The following ABCF3 variants were observed in gnomAD, a reference collection of about 807,000 sequenced individuals.
The protein encoded by ABCF3 is ATP binding cassette subfamily F member 3.
ABCF3 carries 62 observed loss-of-function variants against 94.3 expected under a neutral mutation model. The ratio of observed to expected loss-of-function variants is 0.66; its 90% CI spans 0.54 to 0.81. The LOEUF (loss-of-function observed/expected upper bound fraction) is 0.81. Among genes scored for constraint, ABCF3 ranks in the 40% least tolerant of loss-of-function variants. The probability of loss-of-function intolerance (pLI) is 0.00; values close to 1 mark genes in which losing one functional copy is unlikely to be tolerated. For synonymous variants in ABCF3, 355 were observed against 361.1 expected, an observed-to-expected ratio of 0.98 and a Z score of 0.19; for missense variants, 843 against 925.3, an observed-to-expected ratio of 0.91 and a Z score of 1.15.
rs940138822 is a variant in ABCF3, at chr3:184,193,297, G to T, written c.1883+63G>T. 26 of 1,610,848 alleles carry T rather than the reference G, an allele frequency of 1.6e-5. No individual in the cohort carries two copies. In the Admixed American group the frequency reaches 4.3e-4, roughly 27 times the overall value. ...TCCCCTTCTTGCCCAGTAGAAAACT[G>T]TATCAGAAGGCTTTATTTTCTCTCA... On this transcript the variant is annotated intron_variant, in intron 19 of 20. Transcript: ENST00000429586. The surrounding 1 kb of genome is among the most constrained non-coding windows in gnomAD (Gnocchi z 5.2).
At position 184,188,945 on chromosome 3, in the gene ABCF3, G is replaced by A. The variant is rs565912154; in HGVS notation, c.934G>A (p.Ala312Thr). The A allele has an allele frequency of 5.6e-6, 9 of 1,614,004 alleles. No individual in the cohort carries two copies. The highest frequency in any genetic ancestry group is 3.3e-5 in the Admixed American group (2 of 60,002). Residue 312 changes from alanine (A) to threonine (T), a missense_variant, in exon 9 of 21, where the codon GCT (alanine) becomes ACT (threonine). Transcript: ENST00000429586. ...KAPARASVILAGLGFTPKMQQ... is the reference protein window; with the variant it reads ...KAPARASVILTGLGFTPKMQQ... ...CTCTACTAGGGCATCAGTCATTCTC[G>A]CTGGGCTTGGCTTTACCCCTAAAAT...
intron 1 of ABCF3, 22 bp downstream of exon 1, chr3:184,186,302 G>C (rs776764035): frequency 6.2e-7 from 1 of 1,613,932 alleles, no homozygotes; most frequent in Non-Finnish European, 8.5e-7. Context: ...TGAATCGGCC[G>C]GCTGGGGAGA....
chr3:184,186,915 C>T (rs760274008), intron 3 of ABCF3, 40 bp downstream of exon 3: 3 of 1,588,094 alleles, frequency 1.9e-6, no homozygotes, highest in East Asian at 4.5e-5. Flanking sequence ...CCCCCCTGTG[C>T]TTTTCTCCGC....
Position 184,193,579 on chromosome 3 carries a change from A to C in ABCF3, c.2011A>C (p.Arg671=). 6.2e-7 allele frequency: 1 copy of C among 1,614,162 alleles called. No homozygotes were observed. Among genetic ancestry groups the C allele is most frequent in the Non-Finnish European group, 8.5e-7 (1 of 1,180,008 alleles). ...GGTGTCCCACGATGAGCGCTTTATC[A>C]GGCTGGTGTGCCGGGAGTTGTGGGT... ...ILVSHDERFI[R]LVCRELWVCE... The change falls in exon 21 of 21, where the codon AGG becomes CGG. Residue 671 remains arginine (R), a synonymous_variant. Transcript: ENST00000429586. This position sits in a 1 kb window ranked among gnomAD's most constrained non-coding sequence, Gnocchi z 5.2.
rs747378033 is a variant in ABCF3 at position 184,187,768 on chromosome 3, G to T, written c.446+7G>T. ...TCAAGACCAGCAACCCTCTGTGAGT[G>T]GGGGAAGCATGGCTCAGAAGAGAGC... On this transcript the variant is annotated splice_region_variant and intron_variant, in intron 5 of 20. Transcript: ENST00000429586. 3.1e-6 allele frequency: 5 copies of T among 1,614,160 alleles called. No homozygotes were observed. Among genetic ancestry groups the T allele is most frequent in the South Asian group, 1.1e-5 (1 of 91,082 alleles).
chr3:184,186,297 CG>C lies in ABCF3; in HGVS notation c.73+19del. ...ACGTGACCGGTAAGCAGAACTGAAT[CG>C]GCCGGCTGGGGAGACCGAAGTGGAG... On this transcript the variant is annotated intron_variant, in intron 1 of 20. Coordinates refer to ENST00000429586, the MANE Select transcript of ABCF3 (RefSeq NM_018358.3). 6.2e-7 allele frequency: 1 copy of C among 1,614,100 alleles called. No homozygotes were observed. Among genetic ancestry groups the C allele is most frequent in the Non-Finnish European group, 8.5e-7 (1 of 1,179,948 alleles).
Position 184,193,812 on chromosome 3 carries a change from T to C in ABCF3, c.*114T>C. The C allele has an allele frequency of 8.0e-7, 1 of 1,256,344 alleles. No individual in the cohort carries two copies. The highest frequency in any genetic ancestry group is 1.6e-5 in the South Asian group (1 of 63,940). 77.8% of individuals were successfully genotyped at this position (1,256,344 alleles called of 1,614,324 possible). On this transcript the variant is annotated 3_prime_UTR_variant, in exon 21 of 21. Transcript: ENST00000429586. The surrounding 1 kb of genome is among the most constrained non-coding windows in gnomAD (Gnocchi z 5.2). ...TTCCCCCAACTTGGGGACAGCCTTA[T>C]TCCCAAATGTCTCTATCCTTTTGAC...
In ABCF3 at chr3:184,186,267, C is replaced by T; in HGVS notation, c.60C>T (p.Phe20=). The change falls in exon 1 of 21, where the codon TTC becomes TTT. Residue 20 remains phenylalanine (F), a synonymous_variant. Coordinates refer to ENST00000429586, the MANE Select transcript of ABCF3 (RefSeq NM_018358.3). ...TCCCCGAAATTGACGGACAAGTCTT[C>T]GACTACGTGACCGGTAAGCAGAACT... is the stretch of plus-strand genomic sequence containing the variant. The part of the protein sequence containing the change: ...SEFPEIDGQV[F]DYVTGVLHSG... The T allele has an allele frequency of 1.2e-6, 2 of 1,614,188 alleles. No individual in the cohort carries two copies. The highest frequency in any genetic ancestry group is 1.7e-6 in the Non-Finnish European group (2 of 1,180,022).
chr3:184,191,641 C>T (rs1716028144), intron 16 of ABCF3, among the ~76,000 whole-genome samples: 1 of 151,982 alleles, frequency 6.6e-6, no homozygotes, highest in South Asian at 2.1e-4. Flanking sequence ...TAAGATGGCG[C>T]TGACATCTAC....
At chr3:184,187,627 A>G in intron 4 of ABCF3, 37 bp from the exon 5 acceptor site, 1 of 1,611,918 alleles carries the variant, frequency 6.2e-7, no homozygotes, top group Non-Finnish European at 8.5e-7. Context: ...TTCTGAGCCT[A>G]CACCCGAGAG....
intron 1 of ABCF3, 52 bp from the exon 2 acceptor site, chr3:184,186,455 T>A: frequency 6.3e-7 from 1 of 1,585,312 alleles, no homozygotes; most frequent in Non-Finnish European, 8.6e-7. Flanking sequence ...CTGAAACTGC[T>A]TGTGTGTCCA....
Position 184,191,208 on chromosome 3 carries a change from T to A in ABCF3, c.1522T>A (p.Phe508Ile). 2 of 1,614,238 alleles carry A rather than the reference T, an allele frequency of 1.2e-6. No homozygotes were observed. The highest frequency in any genetic ancestry group is 1.7e-6 in the Non-Finnish European group (2 of 1,180,050). Reference protein sequence around the residue: ...DFYYDPKHVIFSRLSVSADLE... With the variant: ...DFYYDPKHVIISRLSVSADLE... ...CTACTACGATCCGAAGCACGTCATCTTCAGTCGCCTCTCTGTGTCTGCTGA... is the reference window on the plus strand; with the variant it reads ...CTACTACGATCCGAAGCACGTCATCATCAGTCGCCTCTCTGTGTCTGCTGA... The change falls in exon 16 of 21, where the codon TTC (phenylalanine) becomes ATC (isoleucine). Residue 508 changes from phenylalanine to isoleucine, a missense_variant. Physicochemically the swap from Phe to Ile is conservative, Grantham distance 21 (BLOSUM62 0). Transcript: ENST00000429586.
chr3:184,193,049 A>G lies in ABCF3; in HGVS notation c.1751-53A>G. ...GGACTTGGAGGTGTGGCTGGAGGGC[A>G]CAGGGAGGGTGTTGGGCCAAGAAGC... On this transcript the variant is annotated intron_variant, in intron 18 of 20. Coordinates refer to ENST00000429586, the MANE Select transcript of ABCF3 (RefSeq NM_018358.3). This position sits in a 1 kb window ranked among gnomAD's most constrained non-coding sequence, Gnocchi z 5.2. 1 of 1,541,212 alleles carries G rather than the reference A, an allele frequency of 6.5e-7. No homozygotes were observed. Among genetic ancestry groups the G allele is most frequent in the South Asian group, 1.3e-5 (1 of 79,636 alleles).
intron 1 of ABCF3, 59 bp downstream of exon 1, chr3:184,186,339 A>G (rs975524111): frequency 1.9e-6 from 3 of 1,609,692 alleles, no homozygotes; most frequent in Admixed American, 3.3e-5. Flanking sequence ...GGGAAAGTCT[A>G]AGCGAGCGTC....
chr3:184,189,960 G>A (rs374709733), intron 14 of ABCF3, 29 bp downstream of exon 14: 227 of 1,611,690 alleles, frequency 1.4e-4, no homozygotes, highest in Middle Eastern at 6.6e-4. Context: ...GCCAGGGCCT[G>A]ACTCCTGTTC....
rs1327790651 is a variant in ABCF3 at position 184,188,144 on chromosome 3, ACTG to A, written c.577_579del (p.Leu193del). On this transcript the variant is annotated inframe_deletion, in exon 7 of 21. Transcript: ENST00000429586. ...TCTCCTTTCTCCACTCCTGCAGAGTACTGCTGGCTGGAGCGGATGTGAACCTGG... is the reference window on the plus strand; with the variant it reads ...TCTCCTTTCTCCACTCCTGCAGAGTACTGGCTGGAGCGGATGTGAACCTGG... The A allele has an allele frequency of 6.2e-7, 1 of 1,613,716 alleles. No individual in the cohort carries two copies. Among genetic ancestry groups the A allele is most frequent in the Non-Finnish European group, 8.5e-7 (1 of 1,179,792 alleles).
intron 1 of ABCF3, 112 bp from the exon 2 acceptor site, chr3:184,186,395 C>G (rs1715620123): frequency 3.2e-6 from 5 of 1,583,384 alleles, no homozygotes; most frequent in Non-Finnish European, 4.3e-6. Context: ...GACCTCTTGT[C>G]CCGGGGGCTG....
Position 184,186,826 on chromosome 3 carries a change from G to A in ABCF3, c.252G>A (p.Gln84=), listed in dbSNP as rs1362677660. 1 of 1,614,088 alleles carries A rather than the reference G, an allele frequency of 6.2e-7. No homozygotes were observed. Among genetic ancestry groups the A allele is most frequent in the Non-Finnish European group, 8.5e-7 (1 of 1,179,994 alleles). ...LAEPQSQGNS[Q]VLLDAPIQLS... The stretch of plus-strand genomic sequence containing the variant: ...AGCCACAAAGCCAGGGAAATAGCCA[G>A]GTGCTACTGGACGCCCCTATCCAGT... The change falls in exon 3 of 21, where the codon CAG becomes CAA. Residue 84 remains glutamine, a synonymous_variant. Coordinates refer to ENST00000429586, the MANE Select transcript of ABCF3 (RefSeq NM_018358.3).
Position 184,187,480 on chromosome 3 carries a change from A to AT in ABCF3, c.348+38dup, listed in dbSNP as rs556532277. 4.9e-5 allele frequency: 79 copies of AT among 1,600,858 alleles called. No homozygotes were observed. The South Asian group carries it at 8.1e-4, about 17-fold the overall frequency. On this transcript the variant is annotated intron_variant, in intron 4 of 20. Coordinates refer to ENST00000429586, the MANE Select transcript of ABCF3 (RefSeq NM_018358.3). The stretch of plus-strand genomic sequence containing the variant: ...GAAGCAAGGGAGGGGACTGTCTGTG[A>AT]TGGGGTTGGGAGTTGACTGTCTAAT...
Sources: gnomAD v4.1 joint callset for allele counts (sites outside exome capture counted in the v4.1 genomes callset) on GRCh38, gnomAD v4.1.1 for gene constraint, Gnocchi (gnomAD v3.1) non-coding constraint, MANE v1.5 for transcripts, NCBI Gene and HGNC (gene_info 2026-07-23, HGNC 2026-07-21) for gene names.